The following ROBO2 variants were observed in gnomAD, a reference collection of about 807,000 sequenced individuals.
ROBO2 encodes the protein roundabout homolog 2.
ROBO2 carries 53 observed loss-of-function variants against 160.8 expected under a neutral mutation model. The observed-to-expected ratio is 0.33, with a 90% CI of 0.26 to 0.41. ROBO2 has a LOEUF of 0.41. ROBO2 is among the 10% of genes least tolerant of loss of function. The pLI, the probability that ROBO2 is intolerant of heterozygous loss-of-function variation, is 1.00. For missense variants in ROBO2, 1,577 were observed against 1,722.4 expected (o/e 0.92, Z 1.49); for synonymous variants, 664 against 611.7 (o/e 1.09, Z -1.26).
intron 2 of ROBO2, among the ~76,000 whole-genome samples, chr3:77,264,067 C>T (rs1026227408): frequency 6.6e-6 from 1 of 152,090 alleles, no homozygotes; most frequent in Non-Finnish European, 1.5e-5. Context: ...TCACCATCAT[C>T]GTTATCAAGT....
intron 2 of ROBO2, among the ~76,000 whole-genome samples, chr3:76,715,258 T>G (rs2093361147): frequency 6.6e-6 from 1 of 152,118 alleles, no homozygotes; most frequent in African/African-American, 2.4e-5. Flanking sequence ...GTTAATAATC[T>G]TCCAGGTATT....
intron 19 of ROBO2, among the ~76,000 whole-genome samples, chr3:77,598,434 A>AAT (rs3073100): frequency 0.045 from 6,444 of 143,592 alleles, 291 homozygotes; most frequent in East Asian, 0.12. Flanking sequence ...TAAATAGATG[A>AAT]ATATATATAT....
At chr3:76,918,788 T>C (rs1401150304) in intron 2 of ROBO2, among the ~76,000 whole-genome samples, 1 of 152,216 alleles carries the variant, frequency 6.6e-6, no homozygotes, top group Non-Finnish European at 1.5e-5. Context: ...CCACCAATAG[T>C]GTAAAAGCAT....
intron 2 of ROBO2, among the ~76,000 whole-genome samples, chr3:77,004,492 G>A (rs933143816): frequency 3.3e-5 from 5 of 152,168 alleles, no homozygotes; most frequent in African/African-American, 9.7e-5. Flanking sequence ...GAGAAACCCT[G>A]TTAGGTCAGT....
chr3:77,618,067 A>T, intron 22 of ROBO2: 1 of 419,158 alleles, frequency 2.4e-6, no homozygotes, highest in South Asian at 2.4e-5. Flanking sequence ...ATTTCAGGCT[A>T]AAGTGCTCTT....
chr3:77,578,436 TATA>T (rs1234348367), intron 15 of ROBO2, among the ~76,000 whole-genome samples: 1 of 152,086 alleles, frequency 6.6e-6, no homozygotes, highest in Non-Finnish European at 1.5e-5. Flanking sequence ...ATACATCTAA[TATA>T]ATACAAAACT....
chr3:76,950,417 T>A (rs2149172793), intron 2 of ROBO2, among the ~76,000 whole-genome samples: 1 of 152,330 alleles, frequency 6.6e-6, no homozygotes, highest in East Asian at 1.9e-4. Flanking sequence ...TACATCAAAC[T>A]CTCATTTTCT....
intron 2 of ROBO2, among the ~76,000 whole-genome samples, chr3:77,405,103 A>C (rs2076153033): frequency 6.6e-6 from 1 of 152,168 alleles, no homozygotes; most frequent in Non-Finnish European, 1.5e-5. Flanking sequence ...TTGGATCTTC[A>C]GTTATTTTTA....
chr3:76,345,958 G>C (rs985063694), intron 2 of ROBO2, among the ~76,000 whole-genome samples: 1 of 151,924 alleles, frequency 6.6e-6, no homozygotes, highest in African/African-American at 2.4e-5. Context: ...ATTCCCAACT[G>C]ATCTCGGTTT....
At chr3:76,795,312 A>G (rs973614503) in intron 2 of ROBO2, among the ~76,000 whole-genome samples, 1 of 152,100 alleles carries the variant, frequency 6.6e-6, no homozygotes, top group Non-Finnish European at 1.5e-5. Flanking sequence ...CTTTCACAGA[A>G]TAATTCTCTG....
In ROBO2 at chr3:76,577,502, A is replaced by G. The variant is rs116112309; in HGVS notation, c.110-520512A>G. Among the ~76,000 whole-genome samples the G allele has an allele frequency of 6.0e-3, 908 of 152,260 alleles. 10 individuals carry two copies. The highest frequency in any genetic ancestry group is 7.0e-3 in the Non-Finnish European group (473 of 68,006). The stretch of plus-strand genomic sequence containing the variant: ...CATCCTAGCAGAAACTGTCCAAATC[A>G]AAGAGTCAAGCATATTGTCTTTAAT... On this transcript the variant is annotated intron_variant, in intron 2 of 26. Transcript: ENST00000487694.
chr3:77,476,657 GTAGA>G (rs2084044442), intron 2 of ROBO2, among the ~76,000 whole-genome samples: 1 of 152,114 alleles, frequency 6.6e-6, no homozygotes, highest in African/African-American at 2.4e-5. Flanking sequence ...AGAAGCACAA[GTAGA>G]TAGATAGGTG....
chr3:76,981,057 G>C (rs1453389419), intron 2 of ROBO2, among the ~76,000 whole-genome samples: 1 of 152,088 alleles, frequency 6.6e-6, no homozygotes, highest in Non-Finnish European at 1.5e-5. Context: ...CCATTGCATG[G>C]AAATAACATA....
chr3:77,365,447 G>T (rs919399855), intron 2 of ROBO2, among the ~76,000 whole-genome samples: 3 of 152,060 alleles, frequency 2.0e-5, no homozygotes, highest in African/African-American at 7.2e-5. Flanking sequence ...GCTGCAGTTA[G>T]TTCAGATGTT....
intron 2 of ROBO2, among the ~76,000 whole-genome samples, chr3:76,585,460 G>A (rs1039202629): frequency 1.3e-5 from 2 of 152,180 alleles, no homozygotes; most frequent in Admixed American, 1.3e-4. Context: ...TAGAATGGTT[G>A]TTAAAGCACC....
intron 6 of ROBO2, among the ~76,000 whole-genome samples, chr3:77,525,159 A>G (rs1468158331): frequency 6.6e-6 from 1 of 150,976 alleles, no homozygotes; most frequent in Non-Finnish European, 1.5e-5. Flanking sequence ...CTGACCCAAG[A>G]GGCCATGCCC....
At chr3:76,022,346 C>T (rs2066597701) in intron 2 of ROBO2, among the ~76,000 whole-genome samples, 1 of 151,736 alleles carries the variant, frequency 6.6e-6, no homozygotes, top group African/African-American at 2.4e-5. Flanking sequence ...TCACAAATGT[C>T]CTTAGTGTCA....
intron 2 of ROBO2, among the ~76,000 whole-genome samples, chr3:76,603,582 GT>G (rs1036285470): frequency 2.6e-5 from 4 of 151,204 alleles, no homozygotes; most frequent in Non-Finnish European, 5.9e-5. Context: ...ATGGCTTGAA[GT>G]TTTTTTTCCA....
At chr3:76,174,032 C>G (rs1369443732) in intron 2 of ROBO2, among the ~76,000 whole-genome samples, 1 of 152,104 alleles carries the variant, frequency 6.6e-6, no homozygotes, top group Non-Finnish European at 1.5e-5. Flanking sequence ...TCTGTTGTTC[C>G]AGACTTTTTA....
Sources: gnomAD v4.1 joint callset for allele counts (sites outside exome capture counted in the v4.1 genomes callset) on GRCh38, gnomAD v4.1.1 for gene constraint, MANE v1.5 for transcripts, NCBI Gene and HGNC (gene_info 2026-07-23, HGNC 2026-07-21) for gene names.